Variants in HESX1 observed in about 807,000 individuals in gnomAD.
The protein encoded by HESX1 is homeobox expressed in ES cells 1.
In HESX1, 11 loss-of-function variants were observed where a neutral mutation model predicts 22.5. The observed-to-expected ratio is 0.49, with a 90% CI of 0.31 to 0.81. The LOEUF is 0.81. Among genes scored for constraint, HESX1 ranks in the 30% least tolerant of loss-of-function variants. The pLI is 0.05. For missense variants in HESX1, 201 were observed against 212.6 expected, an observed-to-expected ratio of 0.95 and a Z score of 0.34; for synonymous variants, 74 against 76.5, an observed-to-expected ratio of 0.97 and a Z score of 0.17.
intron 1 of HESX1, among the ~76,000 whole-genome samples, chr3:57,214,800 C>A (rs1282507543): frequency 7.9e-5 from 12 of 152,004 alleles, no homozygotes; most frequent in African/African-American, 2.9e-4. Flanking sequence ...TGTGTGTGTG[C>A]TTGTCTGTTG....
chr3:57,226,425 A>C (rs2060645175), exon 1 of HESX1: 1 of 152,160 alleles, frequency 6.6e-6, no homozygotes, highest in African/African-American at 2.4e-5. Context: ...ACTGCCTCCA[A>C]ATCAACTTCC....
intron 1 of HESX1, among the ~76,000 whole-genome samples, chr3:57,205,148 C>G (rs548124181): frequency 4.6e-5 from 7 of 152,266 alleles, no homozygotes; most frequent in African/African-American, 1.7e-4. Context: ...GTGGCTCATG[C>G]CTATAATCCC....
intron 1 of HESX1, among the ~76,000 whole-genome samples, chr3:57,223,372 C>T (rs914614375): frequency 6.6e-6 from 1 of 152,036 alleles, no homozygotes; most frequent in South Asian, 2.1e-4. Flanking sequence ...AAAGCATATA[C>T]AATTTTCCTA....
chr3:57,226,621 T>A (rs1559503884), upstream of HESX1: 1 of 152,242 alleles, frequency 6.6e-6, no homozygotes, highest in Non-Finnish European at 1.5e-5. Flanking sequence ...CTATTTTCGT[T>A]TAAAATATAT....
chr3:57,205,083 C>T (rs1559499063), intron 1 of HESX1, among the ~76,000 whole-genome samples: 1 of 152,086 alleles, frequency 6.6e-6, no homozygotes, highest in Non-Finnish European at 1.5e-5. Context: ...CATTTAAAAA[C>T]ATAAGTCAGT....
intron 1 of HESX1, among the ~76,000 whole-genome samples, chr3:57,219,216 A>C (rs1559502089): frequency 6.6e-6 from 1 of 152,316 alleles, no homozygotes; most frequent in East Asian, 1.9e-4. Flanking sequence ...TAGTTTGCTA[A>C]TGATGATGGC....
At chr3:57,203,049 G>C (rs1029856359), upstream of HESX1, among the ~76,000 whole-genome samples, 1 of 152,226 alleles carries the variant, frequency 6.6e-6, no homozygotes, top group Admixed American at 6.5e-5. Context: ...CTTTATAAAG[G>C]ACATGGTAAG....
intron 1 of HESX1, among the ~76,000 whole-genome samples, chr3:57,218,752 CT>C (rs1269652263): frequency 2.6e-5 from 4 of 152,132 alleles, no homozygotes; most frequent in African/African-American, 9.7e-5. Context: ...CAATCTTACT[CT>C]TTTTTATGGC....
At chr3:57,217,535 C>T (rs981020928) in intron 1 of HESX1, among the ~76,000 whole-genome samples, 7 of 152,130 alleles carry the variant, frequency 4.6e-5, no homozygotes, top group African/African-American at 1.7e-4. Flanking sequence ...GGACCAATCC[C>T]CTGTGCTAGT....
intron 1 of HESX1, among the ~76,000 whole-genome samples, chr3:57,205,368 C>T (rs1444646692): frequency 2.6e-5 from 4 of 152,164 alleles, no homozygotes; most frequent in East Asian, 1.9e-4. Flanking sequence ...TATACAACTG[C>T]ACTTCAGCCT....
chr3:57,218,536 C>T (rs968698760), intron 1 of HESX1, among the ~76,000 whole-genome samples: 4 of 151,072 alleles, frequency 2.6e-5, no homozygotes, highest in African/African-American at 7.3e-5. Flanking sequence ...CTCTGCCTCC[C>T]GGGTTCAAGT....
At chr3:57,217,869 C>T (rs1013309184) in intron 1 of HESX1, among the ~76,000 whole-genome samples, 8 of 152,080 alleles carry the variant, frequency 5.3e-5, no homozygotes, top group African/African-American at 1.9e-4. Flanking sequence ...TGTGCTCTGA[C>T]AACCCCCTCC....
At chr3:57,222,375 C>T (rs746488332) in intron 1 of HESX1, among the ~76,000 whole-genome samples, 7 of 152,190 alleles carry the variant, frequency 4.6e-5, no homozygotes, top group Non-Finnish European at 8.8e-5. Context: ...CCTCCCACCT[C>T]AGCCTCCCGA....
At chr3:57,207,236 C>T (rs1279462640) in intron 1 of HESX1, among the ~76,000 whole-genome samples, 1 of 152,208 alleles carries the variant, frequency 6.6e-6, no homozygotes, top group East Asian at 1.9e-4. Context: ...AGGCATGAGC[C>T]ACTATACTGG....
At chr3:57,204,901 G>A (rs1322667846), upstream of HESX1, among the ~76,000 whole-genome samples, 1 of 152,046 alleles carries the variant, frequency 6.6e-6, no homozygotes, top group Non-Finnish European at 1.5e-5. Flanking sequence ...GACAGAAGTG[G>A]TACTGGAAAA....
At chr3:57,210,777 G>A (rs1245242903) in intron 1 of HESX1, among the ~76,000 whole-genome samples, 1 of 152,126 alleles carries the variant, frequency 6.6e-6, no homozygotes, top group Non-Finnish European at 1.5e-5. Flanking sequence ...CTTGAACAGG[G>A]TTTAACTATT....
At chr3:57,222,393 G>A (rs1486352781) in intron 1 of HESX1, among the ~76,000 whole-genome samples, 1 of 151,992 alleles carries the variant, frequency 6.6e-6, no homozygotes, top group Non-Finnish European at 1.5e-5. Context: ...CGAGTAACTG[G>A]GACTACAGGC....
intron 1 of HESX1, among the ~76,000 whole-genome samples, chr3:57,210,393 G>A (rs566625301): frequency 1.3e-5 from 2 of 152,142 alleles, no homozygotes; most frequent in South Asian, 2.1e-4. Flanking sequence ...CAGGAAAAAC[G>A]TACTAGGTCT....
intron 1 of HESX1, among the ~76,000 whole-genome samples, chr3:57,211,889 CAT>C (rs1162266501): frequency 6.6e-6 from 1 of 151,810 alleles, no homozygotes; most frequent in South Asian, 2.1e-4. Flanking sequence ...TTGAACAATT[CAT>C]ATTTGTGGCA....
Sources: gnomAD v4.1 joint callset for allele counts (sites outside exome capture counted in the v4.1 genomes callset) on GRCh38, gnomAD v4.1.1 for gene constraint, MANE v1.5 for transcripts, NCBI Gene and HGNC (gene_info 2026-07-23, HGNC 2026-07-21) for gene names.